SCFD2: variants seen among roughly 807,000 people sequenced by gnomAD.
SCFD2 encodes the protein sec1 family domain-containing protein 2.
SCFD2 carries 54 observed loss-of-function variants against 58.9 expected under a neutral mutation model. The ratio of observed to expected loss-of-function variants is 0.92; its 90% CI spans 0.74 to 1.15. SCFD2 has a LOEUF of 1.15. Among genes scored for constraint, SCFD2 ranks in the 50% most tolerant of loss-of-function variants. The probability of loss-of-function intolerance (pLI) is 0.00; values close to 1 mark genes in which losing one functional copy is unlikely to be tolerated. For missense variants in SCFD2, 805 were observed against 836.6 expected, an observed-to-expected ratio of 0.96 and a Z score of 0.47; for synonymous variants, 321 against 335.9, an observed-to-expected ratio of 0.96 and a Z score of 0.49.
At chr4:53,279,693 G>A (rs556316997) in intron 3 of SCFD2, among the ~76,000 whole-genome samples, 7 of 152,246 alleles carry the variant, frequency 4.6e-5, no homozygotes, top group African/African-American at 7.2e-5. Context: ...AGAAATACCC[G>A]AGACTGGACA....
chr4:53,315,500 A>C (rs1732835071), intron 2 of SCFD2, among the ~76,000 whole-genome samples: 1 of 152,190 alleles, frequency 6.6e-6, no homozygotes, highest in African/African-American at 2.4e-5. Flanking sequence ...GCCAAGGAGC[A>C]TGTGATTGAT....
chr4:52,960,977 C>T (rs1352341062), intron 5 of SCFD2, among the ~76,000 whole-genome samples: 1 of 152,076 alleles, frequency 6.6e-6, no homozygotes, highest in Non-Finnish European at 1.5e-5. Flanking sequence ...TACAAAATGG[C>T]CTCCTGGGGG....
At chr4:53,236,612 T>C (rs1303994392) in intron 4 of SCFD2, among the ~76,000 whole-genome samples, 1 of 150,492 alleles carries the variant, frequency 6.6e-6, no homozygotes, top group African/African-American at 2.4e-5. Context: ...CAGTTCAAAA[T>C]GAATAATCAG....
At chr4:53,087,657 C>CTTT (rs34727687) in intron 5 of SCFD2, among the ~76,000 whole-genome samples, 14 of 115,206 alleles carry the variant, frequency 1.2e-4, no homozygotes, top group African/African-American at 2.2e-4. Flanking sequence ...TTTCTTTTTC[C>CTTT]TTTTTTTTTT....
At chr4:53,004,944 A>G (rs1721941088) in intron 5 of SCFD2, among the ~76,000 whole-genome samples, 1 of 152,130 alleles carries the variant, frequency 6.6e-6, no homozygotes, top group African/African-American at 2.4e-5. Flanking sequence ...GCTCAGGCTG[A>G]AGTGACACCA....
intron 2 of SCFD2, among the ~76,000 whole-genome samples, chr4:53,352,083 T>G (rs1734236831): frequency 6.6e-6 from 1 of 152,230 alleles, no homozygotes; most frequent in Admixed American, 6.5e-5. Flanking sequence ...TCTTATTTTT[T>G]AAACTCTGCA....
intron 4 of SCFD2, among the ~76,000 whole-genome samples, chr4:53,169,828 T>C (rs77014010): frequency 0.079 from 12,003 of 152,290 alleles, 680 homozygotes; most frequent in East Asian, 0.24. Context: ...GTCATTTGTA[T>C]ATCTTCTTTT....
chr4:53,185,603 T>A (rs1485393770), intron 4 of SCFD2, among the ~76,000 whole-genome samples: 1 of 152,084 alleles, frequency 6.6e-6, no homozygotes, highest in Non-Finnish European at 1.5e-5. Context: ...TATAATTTTT[T>A]AAAACTCTTT....
intron 4 of SCFD2, among the ~76,000 whole-genome samples, chr4:53,215,368 C>T (rs549597198): frequency 1.1e-4 from 16 of 152,192 alleles, no homozygotes; most frequent in South Asian, 6.2e-4. Context: ...AGGTCCTTCA[C>T]GTCCCTTGTA....
intron 5 of SCFD2, among the ~76,000 whole-genome samples, chr4:53,028,207 A>G (rs1722527117): frequency 1.3e-5 from 2 of 152,194 alleles, no homozygotes; most frequent in Admixed American, 1.3e-4. Flanking sequence ...AGATTGCGCC[A>G]CTGTACTCCA....
At chr4:52,887,973 C>A (rs925616916) in intron 7 of SCFD2, among the ~76,000 whole-genome samples, 1 of 134,286 alleles carries the variant, frequency 7.4e-6, no homozygotes, top group Non-Finnish European at 1.5e-5. Flanking sequence ...TGCAGTGGTG[C>A]GATCTCGGCT....
Position 53,145,436 on chromosome 4 carries a change from C to T in SCFD2, c.1458G>A (p.Thr486=), listed in dbSNP as rs17082453. Reference sequence around the variant, plus strand: ...CTGCTTCACACAGGTCTTTGTCTACCGTGAGCTCTCCAGTGACAGAATAAA... The same window carrying T: ...CTGCTTCACACAGGTCTTTGTCTACTGTGAGCTCTCCAGTGACAGAATAAA... The part of the protein sequence containing the change: ...IYIYSVTGEL[T]VDKDLCEAEE... The change falls in exon 5 of 9, where the codon ACG becomes ACA. Residue 486 remains threonine, a synonymous_variant. Transcript: ENST00000401642. 0.086 allele frequency: 139,010 copies of T among 1,613,928 alleles called. 8,018 individuals carry two copies. Among genetic ancestry groups the T allele is most frequent in the East Asian group, 0.22 (9,707 of 44,870 alleles).
At chr4:53,259,377 T>C (rs143858048) in intron 4 of SCFD2, among the ~76,000 whole-genome samples, 1 of 152,230 alleles carries the variant, frequency 6.6e-6, no homozygotes, top group Non-Finnish European at 1.5e-5. Context: ...CTTTGATCCA[T>C]CTTGAGTTGA....
intron 5 of SCFD2, among the ~76,000 whole-genome samples, chr4:53,006,032 C>T (rs1721964105): frequency 6.6e-6 from 1 of 152,204 alleles, no homozygotes; most frequent in Admixed American, 6.5e-5. Flanking sequence ...CCTGACGCTC[C>T]TTCAACCCTC....
chr4:52,991,906 G>C (rs1263884195), intron 5 of SCFD2, among the ~76,000 whole-genome samples: 4 of 152,124 alleles, frequency 2.6e-5, no homozygotes, highest in Non-Finnish European at 4.4e-5. Context: ...CTTAAAAAAT[G>C]TACATGTCTT....
intron 5 of SCFD2, among the ~76,000 whole-genome samples, chr4:52,934,500 A>C (rs1355155711): frequency 6.6e-6 from 1 of 152,234 alleles, no homozygotes; most frequent in East Asian, 1.9e-4. Flanking sequence ...CTACATTTCC[A>C]GAGGCAGGCT....
At position 53,280,846 on chromosome 4, in the gene SCFD2, C is replaced by T. The variant is rs563255849; in HGVS notation, c.1136-6845G>A. On this transcript the variant is annotated intron_variant, in intron 3 of 8. Coordinates refer to ENST00000401642, the MANE Select transcript of SCFD2 (RefSeq NM_152540.4). ...GGTTTATTAGTTCATACACAACTGG[C>T]AAACAGGAATTATGTCAATATTATT... Among the ~76,000 whole-genome samples the T allele has an allele frequency of 4.4e-4, 67 of 152,214 alleles. 1 individual carries two copies. Among genetic ancestry groups the T allele is most frequent in the East Asian group, 3.9e-4 (2 of 5,186 alleles).
chr4:53,087,469 G>T (rs573587849), intron 5 of SCFD2, among the ~76,000 whole-genome samples: 2 of 152,130 alleles, frequency 1.3e-5, no homozygotes, highest in Non-Finnish European at 2.9e-5. Context: ...AAGTAGCTGC[G>T]ATTACAGGCA....
At chr4:53,237,583 A>T (rs1577878165) in intron 4 of SCFD2, among the ~76,000 whole-genome samples, 2 of 50,938 alleles carry the variant, frequency 3.9e-5, no homozygotes, top group Non-Finnish European at 7.9e-5. Context: ...ACTTCCCAGT[A>T]GGGGCGGCCG....
Sources: gnomAD v4.1 joint callset for allele counts (sites outside exome capture counted in the v4.1 genomes callset) on GRCh38, gnomAD v4.1.1 for gene constraint, MANE v1.5 for transcripts, NCBI Gene and HGNC (gene_info 2026-07-23, HGNC 2026-07-21) for gene names.